SEMA3A: variants seen among roughly 807,000 people sequenced by gnomAD.
The protein encoded by SEMA3A is semaphorin 3A.
SEMA3A carries 29 observed loss-of-function variants against 97.9 expected under a neutral mutation model. The observed-to-expected ratio is 0.30, with a 90% CI of 0.22 to 0.40. The LOEUF (loss-of-function observed/expected upper bound fraction) is 0.40, where lower values mean the gene tolerates loss of function less well. SEMA3A is among the 10% of genes least tolerant of loss of function. The pLI is 1.00. For synonymous variants in SEMA3A, 321 were observed against 323.7 expected (o/e 0.99, Z 0.09); for missense variants, 763 against 951.3 (o/e 0.80, Z 2.60).
At chr7:84,000,082 A>ATAACAATAAAGACAAT (rs1790379919) in intron 12 of SEMA3A, among the ~76,000 whole-genome samples, 1 of 152,148 alleles carries the variant, frequency 6.6e-6, no homozygotes, top group Non-Finnish European at 1.5e-5. Context: ...TTTTGGCGAT[A>ATAACAATAAAGACAAT]TAACAATAAA....
chr7:84,408,787 C>A lies in SEMA3A; in HGVS notation c.-245-36887G>T, dbSNP rs543125784. On this transcript the variant is annotated intron_variant, in intron 1 of 3. Transcript: ENST00000424555. Reference sequence around the variant, plus strand: ...GAAACCATCATTCTCAGCAAACTATCGCAAGGACAAAAAACCAAACACCAC... The same window carrying A: ...GAAACCATCATTCTCAGCAAACTATAGCAAGGACAAAAAACCAAACACCAC... Among the ~76,000 whole-genome samples the A allele has an allele frequency of 1.3e-3, 192 of 151,530 alleles. 2 individuals are homozygous for A. Among genetic ancestry groups the A allele is most frequent in the African/African-American group, 4.7e-3 (192 of 41,240 alleles).
intron 3 of SEMA3A, among the ~76,000 whole-genome samples, chr7:84,210,917 TA>T (rs1798609710): frequency 1.3e-5 from 2 of 151,992 alleles, no homozygotes; most frequent in African/African-American, 2.4e-5. Context: ...TTGCAAATAA[TA>T]TTTTTTTTTA....
At chr7:84,055,320 G>A (rs1378776028) in intron 5 of SEMA3A, among the ~76,000 whole-genome samples, 2 of 152,184 alleles carry the variant, frequency 1.3e-5, no homozygotes, top group Non-Finnish European at 2.9e-5. Context: ...CGGCCTTGCA[G>A]TTTGATCTCA....
chr7:84,366,459 C>A (rs1802850236), intron 2 of SEMA3A, among the ~76,000 whole-genome samples: 1 of 151,094 alleles, frequency 6.6e-6, no homozygotes, highest in African/African-American at 2.4e-5. Flanking sequence ...GATCAGTATT[C>A]ATTTACTAAA....
chr7:84,428,670 A>C (rs753394388), intron 1 of SEMA3A, among the ~76,000 whole-genome samples: 13 of 152,020 alleles, frequency 8.6e-5, no homozygotes, highest in Non-Finnish European at 1.6e-4. Context: ...TTGCATTCAT[A>C]TTTTTGAGTT....
intron 3 of SEMA3A, among the ~76,000 whole-genome samples, chr7:84,220,726 G>A (rs1406011296): frequency 6.6e-6 from 1 of 152,156 alleles, no homozygotes; most frequent in African/African-American, 2.4e-5. Context: ...TTCCTGAGCA[G>A]TAGGTCTCAA....
intron 3 of SEMA3A, among the ~76,000 whole-genome samples, chr7:84,280,075 T>G (rs1233038593): frequency 1.3e-5 from 2 of 152,086 alleles, no homozygotes; most frequent in African/African-American, 4.8e-5. Context: ...TTTTTGTATT[T>G]TTTTGGAGAG....
At chr7:84,067,403 A>G (rs1793557325) in intron 4 of SEMA3A, among the ~76,000 whole-genome samples, 1 of 152,142 alleles carries the variant, frequency 6.6e-6, no homozygotes, top group African/African-American at 2.4e-5. Flanking sequence ...CATGGCAACA[A>G]AAGCCAAAAT....
intron 4 of SEMA3A, among the ~76,000 whole-genome samples, chr7:84,070,412 T>C (rs1793695684): frequency 6.6e-6 from 1 of 152,248 alleles, no homozygotes; most frequent in Admixed American, 6.5e-5. Context: ...GGTGACTTCA[T>C]GGCAATAAAT....
chr7:84,316,009 A>G (rs1801486960), intron 2 of SEMA3A, among the ~76,000 whole-genome samples: 1 of 150,756 alleles, frequency 6.6e-6, no homozygotes, highest in Non-Finnish European at 1.5e-5. Flanking sequence ...ATTTAGAAAA[A>G]GAATGGGAGC....
At position 84,134,779 on chromosome 7, in the gene SEMA3A, T is replaced by C. The variant is rs368944485; in HGVS notation, c.270+15A>G. On this transcript the variant is annotated intron_variant, in intron 2 of 16. Transcript: ENST00000265362. ...CTTCAAAATAACTATAGTGCATATATTAGAATACTGATACCTTTTGAAAAT... is the reference window on the plus strand; with the variant it reads ...CTTCAAAATAACTATAGTGCATATACTAGAATACTGATACCTTTTGAAAAT... 8 of 1,586,022 alleles carry C rather than the reference T, an allele frequency of 5.0e-6. No homozygotes were observed. The highest frequency in any genetic ancestry group is 6.9e-6 in the Non-Finnish European group (8 of 1,159,608).
chr7:84,200,031 A>G (rs370373872), upstream of SEMA3A, among the ~76,000 whole-genome samples: 4 of 152,044 alleles, frequency 2.6e-5, no homozygotes, highest in East Asian at 5.8e-4. Flanking sequence ...TCTGTAGGGA[A>G]GCATTAACTC....
At chr7:84,379,565 A>G (rs931850284) in intron 1 of SEMA3A, among the ~76,000 whole-genome samples, 1 of 152,226 alleles carries the variant, frequency 6.6e-6, no homozygotes, top group African/African-American at 2.4e-5. Flanking sequence ...ACATATGAAC[A>G]TAATTGTATC....
chr7:84,483,318 A>G (rs1806492657), intron 1 of SEMA3A, among the ~76,000 whole-genome samples: 1 of 152,206 alleles, frequency 6.6e-6, no homozygotes, highest in African/African-American at 2.4e-5. Flanking sequence ...CTATAGGAAA[A>G]ATGACCCTTA....
chr7:84,086,474 TTATTA>T (rs201338911), intron 4 of SEMA3A, among the ~76,000 whole-genome samples: 6,153 of 60,680 alleles, frequency 0.1, 243 homozygotes, highest in Middle Eastern at 0.18. Context: ...ATAATATGTA[TTATTA>T]TATTATATTT....
chr7:84,424,522 GTT>G (rs1562942472), intron 1 of SEMA3A, among the ~76,000 whole-genome samples: 1 of 69,476 alleles, frequency 1.4e-5, no homozygotes, highest in Non-Finnish European at 2.6e-5. Flanking sequence ...ATTAATATAT[GTT>G]ATATATAATA....
chr7:84,395,047 A>G (rs1345654167), intron 1 of SEMA3A, among the ~76,000 whole-genome samples: 1 of 152,108 alleles, frequency 6.6e-6, no homozygotes, highest in African/African-American at 2.4e-5. Flanking sequence ...AAGGGATAAG[A>G]TAGGAGATTG....
intron 3 of SEMA3A, among the ~76,000 whole-genome samples, chr7:84,218,293 T>C (rs908693481): frequency 3.3e-5 from 5 of 152,114 alleles, no homozygotes; most frequent in African/African-American, 1.2e-4. Flanking sequence ...AAATTTAAGA[T>C]GTTTTATTAT....
chr7:84,206,320 A>ATT (rs532227830), intron 3 of SEMA3A, among the ~76,000 whole-genome samples: 1,386 of 130,372 alleles, frequency 0.011, 30 homozygotes, highest in African/African-American at 0.037. Context: ...CCAAGATGGC[A>ATT]TTTTTTTTTT....
Sources: gnomAD v4.1 joint callset for allele counts (sites outside exome capture counted in the v4.1 genomes callset) on GRCh38, gnomAD v4.1.1 for gene constraint, MANE v1.5 for transcripts, NCBI Gene and HGNC (gene_info 2026-07-23, HGNC 2026-07-21) for gene names.